GABRB1: variants seen among roughly 807,000 people sequenced by gnomAD.
GABRB1 encodes the protein gamma-aminobutyric acid type A receptor subunit beta1, also known as gamma-aminobutyric acid receptor subunit beta-1.
GABRB1 carries 17 observed loss-of-function variants against 51.6 expected under a neutral mutation model. The observed-to-expected ratio is 0.33, with a 90% CI of 0.23 to 0.49. The LOEUF (loss-of-function observed/expected upper bound fraction) is 0.49. Ranked by LOEUF, GABRB1 falls within the 20% of genes least tolerant of loss-of-function variation. GABRB1 has a pLI of 0.99. For missense variants in GABRB1, 410 were observed against 600.6 expected (o/e 0.68, Z 3.32); for synonymous variants, 247 against 218.9 (o/e 1.13, Z -1.14).
At chr4:47,345,507 A>G (rs1001454720) in intron 5 of GABRB1, among the ~76,000 whole-genome samples, 1 of 152,206 alleles carries the variant, frequency 6.6e-6, no homozygotes, top group African/African-American at 2.4e-5. Context: ...AGTGCCTTCC[A>G]GGTAAGGAAA....
intron 5 of GABRB1, among the ~76,000 whole-genome samples, chr4:47,395,769 C>T (rs58158140): frequency 0.04 from 6,114 of 152,204 alleles, 449 homozygotes; most frequent in African/African-American, 0.14. Context: ...TCCTAGTCCC[C>T]CCAAAAGAAA....
chr4:47,113,026 G>A (rs374555135), intron 3 of GABRB1, among the ~76,000 whole-genome samples: 5 of 152,116 alleles, frequency 3.3e-5, no homozygotes, highest in African/African-American at 1.2e-4. Flanking sequence ...GGAGTTAGAA[G>A]GTTGGATGGG....
chr4:47,072,384 G>A (rs546091735), intron 3 of GABRB1, among the ~76,000 whole-genome samples: 8 of 152,208 alleles, frequency 5.3e-5, no homozygotes, highest in Admixed American at 2.6e-4. Context: ...TTTATAACTC[G>A]CAGCAGGTTA....
intron 8 of GABRB1, among the ~76,000 whole-genome samples, chr4:47,424,615 A>ATTTATAGACTCC (rs1237290831): frequency 6.6e-6 from 1 of 152,166 alleles, no homozygotes; most frequent in Non-Finnish European, 1.5e-5. Context: ...ATTCAAAAGC[A>ATTTATAGACTCC]TTTATAGACT....
intron 5 of GABRB1, among the ~76,000 whole-genome samples, chr4:47,327,655 T>C (rs920262199): frequency 1.3e-5 from 2 of 152,224 alleles, no homozygotes; most frequent in Admixed American, 6.5e-5. Context: ...TTGTCGTATG[T>C]ATTTAATTTA....
intron 3 of GABRB1, among the ~76,000 whole-genome samples, chr4:47,049,343 A>G (rs895693989): frequency 6.6e-6 from 1 of 152,166 alleles, no homozygotes; most frequent in East Asian, 1.9e-4. Flanking sequence ...CCGTACGTCA[A>G]CAACAGAAGG....
chr4:47,341,497 C>T (rs942155443), intron 5 of GABRB1, among the ~76,000 whole-genome samples: 1 of 152,108 alleles, frequency 6.6e-6, no homozygotes, highest in African/African-American at 2.4e-5. Context: ...AAATCTGGGA[C>T]ACAACAAAGA....
chr4:47,378,811 T>C (rs1275572874), intron 5 of GABRB1, among the ~76,000 whole-genome samples: 3 of 152,100 alleles, frequency 2.0e-5, no homozygotes, highest in Non-Finnish European at 4.4e-5. Flanking sequence ...ATTAAATTAT[T>C]TAATCTTCAC....
chr4:47,129,822 A>G (rs1716329127), intron 3 of GABRB1, among the ~76,000 whole-genome samples: 1 of 152,128 alleles, frequency 6.6e-6, no homozygotes, highest in Non-Finnish European at 1.5e-5. Flanking sequence ...CAGGGAAGAA[A>G]AAAGAGAGAA....
chr4:47,240,822 A>T (rs1721492898), intron 4 of GABRB1, among the ~76,000 whole-genome samples: 1 of 152,184 alleles, frequency 6.6e-6, no homozygotes, highest in Non-Finnish European at 1.5e-5. Flanking sequence ...AGTTAGAGGC[A>T]TTCAATATTA....
rs368517205 is a variant in GABRB1 at position 47,162,696 on chromosome 4, C to T, written c.461+1227C>T. Among the ~76,000 whole-genome samples, 78 of 152,092 alleles carry T rather than the reference C, an allele frequency of 5.1e-4. 2 individuals are homozygous for T. In the South Asian group the frequency reaches 0.014, roughly 27 times the overall value. Reference sequence around the variant, plus strand: ...TAATGGCAGAACTGGGACTAAAATCCGTGTATCCTGATTCCCATGCCTGTG... The same window carrying T: ...TAATGGCAGAACTGGGACTAAAATCTGTGTATCCTGATTCCCATGCCTGTG... On this transcript the variant is annotated intron_variant, in intron 4 of 8. Transcript: ENST00000295454.
At position 47,209,950 on chromosome 4, in the gene GABRB1, T is replaced by G. The variant is rs1720291030; in HGVS notation, c.461+48481T>G. Among the ~76,000 whole-genome samples the G allele has an allele frequency of 2.0e-5, 3 of 152,240 alleles. No individual in the cohort carries two copies. The South Asian group carries it at 6.2e-4, about 32-fold the overall frequency. The stretch of plus-strand genomic sequence containing the variant: ...GTTGTGTAATCACTCTCCAAAAGTT[T>G]TAGCCTTATTAAAGATGAGATAGGC... On this transcript the variant is annotated intron_variant, in intron 4 of 8. Coordinates refer to ENST00000295454, the MANE Select transcript of GABRB1 (RefSeq NM_000812.4).
intron 4 of GABRB1, among the ~76,000 whole-genome samples, chr4:47,232,422 A>G (rs1289807334): frequency 6.6e-6 from 1 of 152,162 alleles, no homozygotes; most frequent in South Asian, 2.1e-4. Flanking sequence ...TCATCCTCTG[A>G]CAATCCTTCA....
rs182903944 is a variant in GABRB1 at position 46,998,067 on chromosome 4, G to A, written c.-20+4141G>A. Among the ~76,000 whole-genome samples, 300 of 152,126 alleles carry A rather than the reference G, an allele frequency of 2.0e-3. 2 individuals are homozygous for A. The highest frequency in any genetic ancestry group is 3.2e-3 in the Non-Finnish European group (215 of 68,002). Reference sequence around the variant, plus strand: ...CAGTGTACAAGGGTTTCCTAATCTGGGGGAATTTAACATATTGTATTTGAG... The same window carrying A: ...CAGTGTACAAGGGTTTCCTAATCTGAGGGAATTTAACATATTGTATTTGAG... On this transcript the variant is annotated intron_variant, in intron 1 of 3. Transcript: ENST00000513567.
Position 47,138,754 on chromosome 4 carries a change from G to A in GABRB1, c.241-22495G>A, listed in dbSNP as rs559074681. On this transcript the variant is annotated intron_variant, in intron 3 of 8. Coordinates refer to ENST00000295454, the MANE Select transcript of GABRB1 (RefSeq NM_000812.4). ...CAGATGTTCAAAACTGTGAGCTAGAGCGAGGCAGAATTCTGATGCCATTTG... is the reference window on the plus strand; with the variant it reads ...CAGATGTTCAAAACTGTGAGCTAGAACGAGGCAGAATTCTGATGCCATTTG... 2.0e-5 allele frequency among the ~76,000 whole-genome samples: 3 copies of A among 152,202 alleles called. No individual in the cohort carries two copies. The South Asian group carries it at 6.2e-4, about 32-fold the overall frequency.
At chr4:47,008,948 C>T (rs551118917) in intron 1 of GABRB1, among the ~76,000 whole-genome samples, 52 of 136,878 alleles carry the variant, frequency 3.8e-4, no homozygotes, top group African/African-American at 1.4e-3. Flanking sequence ...ACTGCAAGCT[C>T]CTCCTCCCGG....
At chr4:47,256,513 G>A (rs1036155397) in intron 4 of GABRB1, among the ~76,000 whole-genome samples, 4 of 152,130 alleles carry the variant, frequency 2.6e-5, no homozygotes, top group South Asian at 2.1e-4. Context: ...GTCTGTTCTC[G>A]CATTGCTATG....
intron 5 of GABRB1, among the ~76,000 whole-genome samples, chr4:47,328,450 A>G (rs1318546639): frequency 6.6e-6 from 1 of 152,208 alleles, no homozygotes; most frequent in Non-Finnish European, 1.5e-5. Flanking sequence ...TCATGCTGCT[A>G]TAAAGACACA....
At chr4:47,262,619 T>A (rs1012868260) in intron 4 of GABRB1, among the ~76,000 whole-genome samples, 1 of 152,186 alleles carries the variant, frequency 6.6e-6, no homozygotes, top group Non-Finnish European at 1.5e-5. Context: ...GTTCAACCCT[T>A]GTGGAAGTCA....
Sources: gnomAD v4.1 joint callset for allele counts (sites outside exome capture counted in the v4.1 genomes callset) on GRCh38, gnomAD v4.1.1 for gene constraint, MANE v1.5 for transcripts, NCBI Gene and HGNC (gene_info 2026-07-23, HGNC 2026-07-21) for gene names.